ABCC1: variants seen among roughly 807,000 people sequenced by gnomAD.
ABCC1 encodes the protein ATP binding cassette subfamily C member 1 (ABCC1 blood group), also known as multidrug resistance-associated protein 1.
ABCC1 carries 83 observed loss-of-function variants against 172.9 expected under a neutral mutation model. That is an observed-to-expected ratio of 0.48 (90% CI 0.40 to 0.58). The LOEUF is 0.58. Among genes scored for constraint, ABCC1 ranks in the 20% least tolerant of loss-of-function variants. The pLI is 0.00. For synonymous variants in ABCC1, 937 were observed against 825.2 expected (o/e 1.14, Z -2.32); for missense variants, 1,817 against 2,002.7 (o/e 0.91, Z 1.77).
intron 1 of ABCC1, among the ~76,000 whole-genome samples, chr16:15,954,148 C>T (rs1390157319): frequency 1.3e-5 from 2 of 151,680 alleles, no homozygotes; most frequent in African/African-American, 4.8e-5. Context: ...GCTGGGATTA[C>T]AGGCGCACAG....
Position 15,949,692 on chromosome 16 carries a change from C to T in ABCC1, c.-60C>T. 1.1e-5 allele frequency: 11 copies of T among 1,023,608 alleles called. No individual in the cohort carries two copies. Among genetic ancestry groups the T allele is most frequent in the Non-Finnish European group, 1.3e-5 (11 of 852,818 alleles). 63.4% of individuals were successfully genotyped at this position (1,023,608 alleles called of 1,614,324 possible). ...GCCGCCCGGTGCCCGCCGCCGCCCG[C>T]GCCAGCAACCGGGCCCGATCACCCG... is the stretch of plus-strand genomic sequence containing the variant. On this transcript the variant is annotated 5_prime_UTR_variant, in exon 1 of 31. Coordinates refer to ENST00000399410, the MANE Select transcript of ABCC1 (RefSeq NM_004996.4).
At chr16:16,097,938 C>T (rs2051555322) in intron 19 of ABCC1, 1 of 152,314 alleles carries the variant, frequency 6.6e-6, no homozygotes, top group Non-Finnish European at 1.5e-5. Flanking sequence ...CCCTTGAGAG[C>T]TCACAGTCTG....
Position 16,090,553 on chromosome 16 carries a change from C to T in ABCC1, c.2609C>T (p.Ala870Val), listed in dbSNP as rs1401251328. The T allele has an allele frequency of 6.2e-7, 1 of 1,612,270 alleles. No homozygotes were observed. The highest frequency in any genetic ancestry group is 8.5e-7 in the Non-Finnish European group (1 of 1,178,904). Residue 870 changes from alanine to valine, a missense_variant, in exon 19 of 31, where the codon GCC becomes GTC. By Grantham distance (64) the Ala-to-Val change is moderately conservative. Transcript: ENST00000399410. The part of the protein sequence containing the change: ...GAFAEFLRTY[A>V]STEQEQDAEE... The stretch of plus-strand genomic sequence containing the variant: ...TTCGCTGAGTTCCTGCGTACCTATG[C>T]CAGCACAGAGCAGGAGCAGGATGCA...
intron 19 of ABCC1, among the ~76,000 whole-genome samples, chr16:16,093,938 T>C (rs1409050927): frequency 1.3e-5 from 2 of 151,574 alleles, no homozygotes; most frequent in Admixed American, 1.3e-4. Flanking sequence ...TTTACTGATT[T>C]CTAAGAAATA....
intron 29 of ABCC1, 82 bp from the exon 30 acceptor site, chr16:16,138,282 G>A (rs1450265832): frequency 2.9e-6 from 4 of 1,380,746 alleles, no homozygotes; most frequent in South Asian, 2.8e-5. Context: ...GTCTCCTTTC[G>A]CTTCTCCCAG....
chr16:16,068,965 T>C (rs540182275), intron 13 of ABCC1, among the ~76,000 whole-genome samples: 10 of 147,104 alleles, frequency 6.8e-5, no homozygotes, highest in Admixed American at 2.8e-4. Context: ...CCAGTCTGGG[T>C]GACACAGCAA....
intron 12 of ABCC1, among the ~76,000 whole-genome samples, chr16:16,062,665 C>T (rs1203173840): frequency 6.6e-6 from 1 of 152,206 alleles, no homozygotes; most frequent in Non-Finnish European, 1.5e-5. Flanking sequence ...AAGCCTCTGA[C>T]TACATTAGGA....
chr16:15,959,220 TC>T, intron 1 of ABCC1, among the ~76,000 whole-genome samples: 1 of 152,254 alleles, frequency 6.6e-6, no homozygotes, highest in Non-Finnish European at 1.5e-5. Flanking sequence ...TGCGGCAGTT[TC>T]TTTTTTACTG....
intron 19 of ABCC1, among the ~76,000 whole-genome samples, chr16:16,097,615 G>T (rs1255740344): frequency 6.6e-6 from 1 of 152,206 alleles, no homozygotes; most frequent in Non-Finnish European, 1.5e-5. Flanking sequence ...GAGAAAATAG[G>T]AGTGGATTTC....
chr16:16,053,486 GT>G (rs1035345650), intron 11 of ABCC1, among the ~76,000 whole-genome samples: 1 of 151,776 alleles, frequency 6.6e-6, no homozygotes, highest in Non-Finnish European at 1.5e-5. Flanking sequence ...ATAGAGTGAT[GT>G]TTCTTATTAT....
chr16:16,119,642 G>C (rs2045064351), intron 23 of ABCC1, among the ~76,000 whole-genome samples: 1 of 152,136 alleles, frequency 6.6e-6, no homozygotes, highest in African/African-American at 2.4e-5. Context: ...AATGAGCCAA[G>C]ATTGTGCCAC....
chr16:16,085,888 T>C (rs567689987), intron 17 of ABCC1, among the ~76,000 whole-genome samples: 1 of 152,078 alleles, frequency 6.6e-6, no homozygotes, highest in South Asian at 2.1e-4. Context: ...TCCAGCCAAA[T>C]AGGGAAACGA....
Position 15,990,455 on chromosome 16 carries a change from G to A in ABCC1, c.49-17361G>A, listed in dbSNP as rs184170460. On this transcript the variant is annotated intron_variant, in intron 1 of 30. Coordinates refer to ENST00000399410, the MANE Select transcript of ABCC1 (RefSeq NM_004996.4). ...ATCTTGTATGACCAAAACTTTATACGCTTTGACCAACACCTCCCTGTTTCC... is the reference window on the plus strand; with the variant it reads ...ATCTTGTATGACCAAAACTTTATACACTTTGACCAACACCTCCCTGTTTCC... 9.9e-5 allele frequency among the ~76,000 whole-genome samples: 15 copies of A among 152,122 alleles called. No homozygotes were observed. The East Asian group carries it at 2.3e-3, about 23-fold the overall frequency.
intron 1 of ABCC1, among the ~76,000 whole-genome samples, chr16:15,989,305 C>T (rs532484666): frequency 2.0e-5 from 3 of 152,202 alleles, no homozygotes; most frequent in African/African-American, 7.2e-5. Flanking sequence ...CATGCCAGGG[C>T]GCGTCACTGC....
intron 1 of ABCC1, among the ~76,000 whole-genome samples, chr16:15,957,516 C>G (rs2046025329): frequency 1.3e-5 from 2 of 152,162 alleles, no homozygotes; most frequent in African/African-American, 4.8e-5. Flanking sequence ...GGTATGAGTT[C>G]CAAGCTAGGG....
At chr16:16,048,559 T>C (rs1287358438) in intron 10 of ABCC1, among the ~76,000 whole-genome samples, 1 of 152,204 alleles carries the variant, frequency 6.6e-6, no homozygotes, top group African/African-American at 2.4e-5. Flanking sequence ...AGTAATTAAC[T>C]ACCCTACAAT....
chr16:16,109,858 G>C (rs1446492852), intron 21 of ABCC1, among the ~76,000 whole-genome samples: 2 of 152,154 alleles, frequency 1.3e-5, no homozygotes, highest in African/African-American at 4.8e-5. Context: ...AAAACTCATT[G>C]GTGGCTTCTG....
intron 6 of ABCC1, among the ~76,000 whole-genome samples, chr16:16,035,493 T>G (rs531937419): frequency 2.6e-4 from 4 of 15,104 alleles, no homozygotes; most frequent in African/African-American, 4.0e-4. Context: ...CTTCAGCCTA[T>G]TTTTTTTTTT....
chr16:16,064,010 A>G (rs1479333176), intron 12 of ABCC1, among the ~76,000 whole-genome samples: 1 of 152,168 alleles, frequency 6.6e-6, no homozygotes, highest in Non-Finnish European at 1.5e-5. Flanking sequence ...GCTGAAGCTC[A>G]TAGGTTGACA....
Sources: allele counts gnomAD v4.1 joint callset (sites outside exome capture counted in the v4.1 genomes callset), GRCh38; gene constraint gnomAD v4.1.1; transcripts MANE v1.5; gene names NCBI Gene and HGNC (gene_info 2026-07-23, HGNC 2026-07-21).